The following LAP3 variants were observed in gnomAD, a reference collection of about 807,000 sequenced individuals.
The protein encoded by LAP3 is leucine aminopeptidase 3.
A neutral mutation model predicts 58.8 loss-of-function variants in LAP3; 46 were observed. The observed-to-expected ratio is 0.78, with a 90% CI of 0.62 to 1.00. The LOEUF (loss-of-function observed/expected upper bound fraction) is 1.00. Among genes scored for constraint, LAP3 ranks in the 50% least tolerant of loss-of-function variants. The pLI is 0.00. For synonymous variants in LAP3, 257 were observed against 237.7 expected (o/e 1.08, Z -0.75); for missense variants, 615 against 659.1 (o/e 0.93, Z 0.73).
At chr4:17,600,825 A>G (rs1713965944) in intron 10 of LAP3, among the ~76,000 whole-genome samples, 1 of 152,228 alleles carries the variant, frequency 6.6e-6, no homozygotes, top group African/African-American at 2.4e-5. Flanking sequence ...AACTTGTCCT[A>G]ACTTTTAATA....
chr4:17,585,150 GTGTCACAGACTCGAGA>G lies in LAP3; in HGVS notation c.704+18_704+33del, dbSNP rs770456886. 2 of 1,605,652 alleles carry G rather than the reference GTGTCACAGACTCGAGA, an allele frequency of 1.2e-6. No homozygotes were observed. The highest frequency in any genetic ancestry group is 2.2e-5 in the South Asian group (2 of 90,758). ...GGTCCATATCAGGTAATTCAGGATT[GTGTCACAGACTCGAGA>G]TGTTACAGCCAGAAGGAGCCCTTGA... On this transcript the variant is annotated intron_variant, in intron 6 of 12. Coordinates refer to ENST00000226299, the MANE Select transcript of LAP3 (RefSeq NM_015907.3).
intron 5 of LAP3, among the ~76,000 whole-genome samples, chr4:17,583,926 T>G (rs1713434413): frequency 6.6e-6 from 1 of 152,260 alleles, no homozygotes; most frequent in African/African-American, 2.4e-5. Flanking sequence ...AGGAATGACA[T>G]GACAGACATA....
Position 17,577,508 on chromosome 4 carries a change from C to G in LAP3, c.43C>G (p.Arg15Gly), listed in dbSNP as rs1208406119. ...PLPAAGRVVV[R>G]RLAVRRFGSR... ...TCCGGCTGCGGGGCGAGTAGTCGTC[C>G]GACGTCTGGCCGTGAGACGTTTCGG... The change falls in exon 1 of 13, where the codon CGA becomes GGA. Residue 15 changes from arginine (R) to glycine (G), a missense_variant. Arg to Gly is a moderately radical substitution (Grantham distance 125, BLOSUM62 -2). Transcript: ENST00000226299. 2.5e-6 allele frequency: 4 copies of G among 1,586,420 alleles called. No homozygotes were observed. The highest frequency in any genetic ancestry group is 3.4e-6 in the Non-Finnish European group (4 of 1,168,268).
intron 8 of LAP3, 114 bp from the exon 9 acceptor site, chr4:17,596,932 G>A (rs1042792556): frequency 2.6e-5 from 21 of 821,136 alleles, no homozygotes; most frequent in African/African-American, 1.9e-4. Flanking sequence ...TGATCAGTTC[G>A]TTAAGGTGGC....
In LAP3 at chr4:17,606,876, A is replaced by C. The variant is rs1714155591; in HGVS notation, c.1308A>C (p.Glu436Asp). The C allele has an allele frequency of 1.2e-6, 2 of 1,613,570 alleles. No individual in the cohort carries two copies. The highest frequency in any genetic ancestry group is 1.7e-6 in the Non-Finnish European group (2 of 1,180,004). ...GTGTCTGGAGGATGCCTCTCTTCGA[A>C]CATTATACAAGACAGGTTGTAGATT... The part of the protein sequence containing the change: ...GDRVWRMPLF[E>D]HYTRQVVDCQ... The change falls in exon 12 of 13, where the codon GAA becomes GAC. Residue 436 changes from glutamate to aspartate, a missense_variant. Physicochemically the swap from Glu to Asp is conservative, Grantham distance 45 (BLOSUM62 2). Coordinates refer to ENST00000226299, the MANE Select transcript of LAP3 (RefSeq NM_015907.3).
rs201167257 is a variant in LAP3 at position 17,583,484 on chromosome 4, G to A, written c.381G>A (p.Ala127=). The part of the protein sequence containing the change: ...GKENIRAAVA[A]GCRQIQDLEL... Reference sequence around the variant, plus strand: ...TTCTGATTCCTCTGTCTTTTCAAGCGGGGTGCAGGCAGATTCAAGACCTGG... The same window carrying A: ...TTCTGATTCCTCTGTCTTTTCAAGCAGGGTGCAGGCAGATTCAAGACCTGG... The change falls in exon 5 of 13, where the codon GCG becomes GCA. Residue 127 remains alanine, a splice_region_variant and synonymous_variant. Transcript: ENST00000226299. 114 of 1,613,410 alleles carry A rather than the reference G, an allele frequency of 7.1e-5. No homozygotes were observed. Among genetic ancestry groups the A allele is most frequent in the African/African-American group, 2.8e-4 (21 of 74,870 alleles).
intron 10 of LAP3, among the ~76,000 whole-genome samples, chr4:17,601,592 GA>G (rs1288041955): frequency 5.3e-5 from 8 of 152,162 alleles, no homozygotes; most frequent in African/African-American, 1.9e-4. Context: ...ATGCGTGGGG[GA>G]TAGGTTCTAG....
intron 10 of LAP3, 52 bp downstream of exon 10, chr4:17,598,610 C>T (rs1464972160): frequency 4.6e-6 from 6 of 1,299,770 alleles, no homozygotes; most frequent in Admixed American, 1.7e-5. Context: ...TTGTTCGTTG[C>T]ATGGATTTCA....
rs1195528914 is a variant in LAP3 at position 17,603,837 on chromosome 4, T to TC, written c.1181-751_1181-750insC. Among the ~76,000 whole-genome samples the TC allele has an allele frequency of 1.3e-3, 144 of 113,630 alleles. 1 individual carries two copies. The highest frequency in any genetic ancestry group is 4.2e-3 in the African/African-American group (138 of 32,902). The allele number at this position is 113,630 out of a possible 152,430, so 74.5% of individuals were successfully genotyped here. A position where few individuals can be genotyped will look rare whatever the true frequency, so the allele number is the denominator to read the frequency against. On this transcript the variant is annotated intron_variant, in intron 10 of 12. Transcript: ENST00000226299. ...CCTTTTTTTTTTTTCTTTCTTTCTT[T>TC]TTTTTTTGAGACAGAATCTCGCTCT...
chr4:17,600,518 A>C (rs114378825), intron 10 of LAP3, among the ~76,000 whole-genome samples: 2,510 of 152,218 alleles, frequency 0.016, 79 homozygotes, highest in African/African-American at 0.057. Flanking sequence ...TTTAAACATA[A>C]CGTTCATAAT....
chr4:17,591,935 G>GT (rs1713697262), intron 7 of LAP3, among the ~76,000 whole-genome samples: 1 of 149,600 alleles, frequency 6.7e-6, no homozygotes, highest in African/African-American at 2.5e-5. Context: ...CACCCTCTAA[G>GT]TGGCCAGCTC....
At chr4:17,582,205 T>A (rs1713382171) in intron 3 of LAP3, 83 bp from the exon 4 acceptor site, 4 of 1,064,480 alleles carry the variant, frequency 3.8e-6, no homozygotes, top group Non-Finnish European at 4.3e-6. Flanking sequence ...GGGAGCTCAG[T>A]GAGTCTCCAC....
intron 3 of LAP3, 182 bp from the exon 4 acceptor site, chr4:17,582,106 T>C: frequency 1.6e-6 from 1 of 617,380 alleles, no homozygotes; most frequent in Non-Finnish European, 2.9e-6. Flanking sequence ...TATACAATTT[T>C]GCCAGGACAC....
intron 1 of LAP3, among the ~76,000 whole-genome samples, chr4:17,578,335 A>T (rs1713267129): frequency 6.6e-6 from 1 of 152,180 alleles, no homozygotes. Flanking sequence ...GCCACAGCCT[A>T]CCCAGATAAC....
At chr4:17,603,793 C>A (rs955546178) in intron 10 of LAP3, among the ~76,000 whole-genome samples, 2 of 150,762 alleles carry the variant, frequency 1.3e-5, no homozygotes, top group Non-Finnish European at 2.9e-5. Context: ...GGATTACAGG[C>A]GTGAGGCATT....
rs1355035111 is a variant in LAP3, at chr4:17,607,785, C to T, written c.*196C>T. ...TTATAAAGGTAAAGTTAATATCTTA[C>T]TTGATAAGGATTTTTAAGATACTCT... On this transcript the variant is annotated 3_prime_UTR_variant, in exon 13 of 13. Transcript: ENST00000226299. 2.1e-6 allele frequency: 1 copy of T among 466,520 alleles called. No individual in the cohort carries two copies. Among genetic ancestry groups the T allele is most frequent in the East Asian group, 3.3e-5 (1 of 29,902 alleles). 28.9% of individuals were successfully genotyped at this position (466,520 alleles called of 1,614,324 possible).
chr4:17,584,626 G>A (rs143105026), intron 5 of LAP3, among the ~76,000 whole-genome samples: 5 of 152,266 alleles, frequency 3.3e-5, no homozygotes, highest in Admixed American at 3.3e-4. Context: ...GAACAAAACG[G>A]GCTTTTCTGT....
chr4:17,581,313 C>T (rs1713355832), intron 2 of LAP3, among the ~76,000 whole-genome samples: 3 of 152,234 alleles, frequency 2.0e-5, no homozygotes, highest in Admixed American at 2.0e-4. Context: ...AATCCGTGCT[C>T]AGATGCCTTG....
intron 6 of LAP3, among the ~76,000 whole-genome samples, chr4:17,586,596 G>C (rs1052878755): frequency 1.3e-5 from 2 of 152,186 alleles, no homozygotes; most frequent in Non-Finnish European, 2.9e-5. Flanking sequence ...GATGTTGTAA[G>C]AAGGAATAGG....
Sources: allele counts gnomAD v4.1 joint callset (sites outside exome capture counted in the v4.1 genomes callset), GRCh38; gene constraint gnomAD v4.1.1; transcripts MANE v1.5; gene names NCBI Gene and HGNC (gene_info 2026-07-23, HGNC 2026-07-21).